Variants in KDM2A observed in about 807,000 individuals in gnomAD.
KDM2A encodes lysine-specific demethylase 2A.
Under a neutral mutation model 137.3 loss-of-function variants are expected in KDM2A, and 3 were observed. That is an observed-to-expected ratio of 0.02 (90% CI 0.01 to 0.06). The LOEUF (loss-of-function observed/expected upper bound fraction) is 0.06. Ranked by LOEUF, KDM2A falls within the 10% of genes least tolerant of loss-of-function variation. KDM2A has a pLI of 1.00. For missense variants in KDM2A, 738 were observed against 1,510.6 expected (o/e 0.49, Z 8.48); for synonymous variants, 512 against 541.5 (o/e 0.95, Z 0.76).
Position 67,142,060 on chromosome 11 carries a change from A to G in KDM2A, c.42+20702A>G, listed in dbSNP as rs535013430. ...ATTCATTCATTCATTCATTTTTGAGACGGAGTCTTGCTGTGTCGTCCAGGC... is the reference window on the plus strand; with the variant it reads ...ATTCATTCATTCATTCATTTTTGAGGCGGAGTCTTGCTGTGTCGTCCAGGC... On this transcript the variant is annotated intron_variant, in intron 2 of 20. Transcript: ENST00000529006. Among the ~76,000 whole-genome samples the G allele has an allele frequency of 3.3e-5, 5 of 152,040 alleles. No individual in the cohort carries two copies. The South Asian group carries it at 1.0e-3, about 32-fold the overall frequency.
At chr11:67,240,926 C>CCA (rs969936739) in intron 12 of KDM2A, among the ~76,000 whole-genome samples, 1 of 152,116 alleles carries the variant, frequency 6.6e-6, no homozygotes, top group Non-Finnish European at 1.5e-5. Context: ...CTGCCACCCC[C>CCA]CACACACACA....
At chr11:67,136,881 TAAAC>T (rs1855980072) in intron 2 of KDM2A, among the ~76,000 whole-genome samples, 2 of 152,194 alleles carry the variant, frequency 1.3e-5, no homozygotes, top group African/African-American at 2.4e-5. Flanking sequence ...AGTCAGACAT[TAAAC>T]AAATACTAGT....
intron 5 of KDM2A, among the ~76,000 whole-genome samples, chr11:67,183,926 T>C (rs1182322011): frequency 6.6e-6 from 1 of 151,050 alleles, no homozygotes; most frequent in Non-Finnish European, 1.5e-5. Flanking sequence ...CTGGGCAACA[T>C]AGCAAGACCC....
At chr11:67,180,292 C>T in intron 3 of KDM2A, 75 bp downstream of exon 3, 1 of 1,459,140 alleles carries the variant, frequency 6.9e-7, no homozygotes, top group East Asian at 2.3e-5. Flanking sequence ...GGGGGTTTAG[C>T]CTTTATCCAG....
chr11:67,192,707 A>C (rs934717691), intron 5 of KDM2A, among the ~76,000 whole-genome samples: 9 of 151,994 alleles, frequency 5.9e-5, no homozygotes, highest in African/African-American at 2.2e-4. Flanking sequence ...GGCCTCCCAA[A>C]GTGCTAGGAT....
rs1859526907 is a variant in KDM2A, at chr11:67,254,158, A to G, written c.3092-45A>G. Reference sequence around the variant, plus strand: ...CTGCCTGGAGCCTTGAAGCTGGATTAGAGAATTGAGAGTTTTGATCTAGGC... The same window carrying G: ...CTGCCTGGAGCCTTGAAGCTGGATTGGAGAATTGAGAGTTTTGATCTAGGC... On this transcript the variant is annotated intron_variant, in intron 19 of 20. Transcript: ENST00000529006. This position sits in a 1 kb window ranked among gnomAD's most constrained non-coding sequence, Gnocchi z 4.7. 3 of 1,549,150 alleles carry G rather than the reference A, an allele frequency of 1.9e-6. No individual in the cohort carries two copies. The highest frequency in any genetic ancestry group is 1.2e-5 in the South Asian group (1 of 85,328).
At chr11:67,195,181 T>A (rs1340808136) in intron 5 of KDM2A, among the ~76,000 whole-genome samples, 2 of 151,964 alleles carry the variant, frequency 1.3e-5, no homozygotes, top group Non-Finnish European at 2.9e-5. Context: ...TAGTCTCAGT[T>A]TATCCATGAC....
chr11:67,165,285 G>T (rs1219225820), intron 2 of KDM2A, among the ~76,000 whole-genome samples: 1 of 151,978 alleles, frequency 6.6e-6, no homozygotes, highest in Non-Finnish European at 1.5e-5. Context: ...GCCACACCTG[G>T]CTAATTTTGT....
chr11:67,244,512 C>T (rs1859145646), intron 13 of KDM2A, among the ~76,000 whole-genome samples: 1 of 151,276 alleles, frequency 6.6e-6, no homozygotes, highest in Non-Finnish European at 1.5e-5. Context: ...ATACAGAAAG[C>T]TCAGGGAGGG....
rs561943591 is a variant in KDM2A at position 67,170,035 on chromosome 11, C to T, written c.43-10044C>T. Among the ~76,000 whole-genome samples, 21 of 152,130 alleles carry T rather than the reference C, an allele frequency of 1.4e-4. 1 individual carries two copies. The highest frequency in any genetic ancestry group is 4.8e-4 in the African/African-American group (20 of 41,506). On this transcript the variant is annotated intron_variant, in intron 2 of 20. Coordinates refer to ENST00000529006, the MANE Select transcript of KDM2A (RefSeq NM_012308.3). ...CCTCCCAGAGCGCTGTGATTACTGG[C>T]GTGAGTCACCATGCCTGGCCCACAG...
intron 5 of KDM2A, among the ~76,000 whole-genome samples, chr11:67,183,996 C>G (rs1693658427): frequency 6.6e-6 from 1 of 150,648 alleles, no homozygotes; most frequent in South Asian, 2.1e-4. Context: ...ATAGTCCCAG[C>G]TACGTGGGGG....
chr11:67,201,795 A>C (rs1454353057), intron 5 of KDM2A, among the ~76,000 whole-genome samples: 1 of 148,366 alleles, frequency 6.7e-6, no homozygotes, highest in African/African-American at 2.5e-5. Context: ...AAAAAAAAAA[A>C]AAAAAAAAAA....
intron 2 of KDM2A, among the ~76,000 whole-genome samples, chr11:67,154,555 CCTGAGTAG>C (rs1856472266): frequency 6.6e-6 from 1 of 152,156 alleles, no homozygotes; most frequent in Admixed American, 6.6e-5. Context: ...GCCTCAGCCT[CCTGAGTAG>C]CTGGGATTAT....
chr11:67,182,455 A>G (rs1375365919), intron 5 of KDM2A, among the ~76,000 whole-genome samples: 2 of 152,132 alleles, frequency 1.3e-5, no homozygotes, highest in African/African-American at 4.8e-5. Flanking sequence ...TTCTGCAGAC[A>G]GTGGTGTTCA....
At chr11:67,221,339 T>C (rs956984824) in intron 10 of KDM2A, among the ~76,000 whole-genome samples, 4 of 152,196 alleles carry the variant, frequency 2.6e-5, no homozygotes, top group African/African-American at 9.6e-5. Context: ...GAGAAGAGTG[T>C]AGAACTATTA....
chr11:67,167,651 G>A (rs1056647473), intron 2 of KDM2A, among the ~76,000 whole-genome samples: 3 of 151,144 alleles, frequency 2.0e-5, no homozygotes, highest in Admixed American at 2.0e-4. Context: ...ACTTAGGTAC[G>A]CATAAGCTTC....
chr11:67,187,698 C>G (rs940713613), intron 5 of KDM2A, among the ~76,000 whole-genome samples: 8 of 152,040 alleles, frequency 5.3e-5, no homozygotes. Context: ...CTCAGCCTCC[C>G]AAGTAGCTGG....
chr11:67,236,356 C>T (rs1858871896), intron 12 of KDM2A, among the ~76,000 whole-genome samples: 1 of 152,106 alleles, frequency 6.6e-6, no homozygotes, highest in African/African-American at 2.4e-5. Flanking sequence ...GTCTTGACTC[C>T]TGACCTCAAG....
chr11:67,229,163 G>A (rs1402346403), intron 11 of KDM2A, among the ~76,000 whole-genome samples: 2 of 152,312 alleles, frequency 1.3e-5, no homozygotes, highest in African/African-American at 2.4e-5. Flanking sequence ...TTACCTGAGA[G>A]ATAGGTATTA....
Sources: allele counts gnomAD v4.1 joint callset (sites outside exome capture counted in the v4.1 genomes callset), GRCh38; gene constraint gnomAD v4.1.1; non-coding constraint Gnocchi (gnomAD v3.1); transcripts MANE v1.5; gene names NCBI Gene and HGNC (gene_info 2026-07-23, HGNC 2026-07-21).